Variants in ACYP2 observed in about 807,000 individuals in gnomAD.
ACYP2 encodes the protein acylphosphatase 2, also known as acylphosphatase-2.
Under a neutral mutation model 11.2 loss-of-function variants are expected in ACYP2, and 12 were observed. That is an observed-to-expected ratio of 1.08 (90% CI 0.69 to 1.74). The LOEUF (loss-of-function observed/expected upper bound fraction) is 1.74. Ranked by LOEUF, ACYP2 falls within the 40% of genes most tolerant of loss-of-function variation. The probability of loss-of-function intolerance (pLI) is 0.00; values close to 1 mark genes in which losing one functional copy is unlikely to be tolerated. For synonymous variants in ACYP2, 43 were observed against 32.2 expected, an observed-to-expected ratio of 1.33 and a Z score of -1.13; for missense variants, 134 against 101.9, an observed-to-expected ratio of 1.31 and a Z score of -1.35.
intron 6 of ACYP2, among the ~76,000 whole-genome samples, chr2:54,195,794 G>GTT (rs1168917459): frequency 4.2e-4 from 35 of 83,124 alleles, no homozygotes; most frequent in South Asian, 5.6e-4. Flanking sequence ...TTTGTTGTGG[G>GTT]TTTTTTTTTT....
At chr2:53,971,632 CAGAGATAA>C (rs749075655) in intron 1 of ACYP2, among the ~76,000 whole-genome samples, 8 of 152,144 alleles carry the variant, frequency 5.3e-5, no homozygotes, top group Non-Finnish European at 1.2e-4. Context: ...CTTAGTCTAG[CAGAGATAA>C]AGACGTGAAT....
intron 6 of ACYP2, among the ~76,000 whole-genome samples, chr2:54,227,174 A>G (rs1309031267): frequency 6.6e-6 from 1 of 152,208 alleles, no homozygotes; most frequent in African/African-American, 2.4e-5. Flanking sequence ...AAACCTGTGT[A>G]TGTTCAGAAA....
chr2:54,047,956 C>T (rs957516034), intron 2 of ACYP2, among the ~76,000 whole-genome samples: 4 of 152,124 alleles, frequency 2.6e-5, no homozygotes, highest in Non-Finnish European at 4.4e-5. Context: ...TGAGTTCTTT[C>T]CCCCAGCCAA....
intron 6 of ACYP2, among the ~76,000 whole-genome samples, chr2:54,175,996 A>G (rs1341973111): frequency 6.6e-6 from 1 of 152,158 alleles, no homozygotes; most frequent in Non-Finnish European, 1.5e-5. Flanking sequence ...CCATGTGAGG[A>G]TACATTGAAG....
chr2:54,224,465 G>A (rs547290219), intron 6 of ACYP2, among the ~76,000 whole-genome samples: 208 of 152,322 alleles, frequency 1.4e-3, no homozygotes, highest in African/African-American at 4.6e-3. Context: ...TGGGGAGTGC[G>A]TGCTGATTGG....
chr2:54,007,228 T>G (rs190613459), intron 2 of ACYP2, among the ~76,000 whole-genome samples: 28 of 139,182 alleles, frequency 2.0e-4, no homozygotes, highest in Admixed American at 1.9e-3. Flanking sequence ...TTCAGGCCCC[T>G]CCCATCATCC....
At chr2:54,093,707 G>C (rs775617483) in intron 4 of ACYP2, among the ~76,000 whole-genome samples, 1 of 152,226 alleles carries the variant, frequency 6.6e-6, no homozygotes, top group Non-Finnish European at 1.5e-5. Flanking sequence ...TCGGGAGGCC[G>C]AGGCGGGTGG....
At chr2:53,986,490 C>G (rs906692461) in intron 2 of ACYP2, among the ~76,000 whole-genome samples, 3 of 151,684 alleles carry the variant, frequency 2.0e-5, no homozygotes, top group African/African-American at 7.3e-5. Flanking sequence ...ACACACAGCA[C>G]CACACTCAGC....
chr2:54,180,726 TG>T (rs1683669761), intron 6 of ACYP2, among the ~76,000 whole-genome samples: 1 of 152,134 alleles, frequency 6.6e-6, no homozygotes, highest in Admixed American at 6.5e-5. Context: ...GGCTAATTTT[TG>T]TATTTTTTTG....
intron 6 of ACYP2, among the ~76,000 whole-genome samples, chr2:54,234,378 A>T (rs1314872740): frequency 6.6e-6 from 1 of 152,204 alleles, no homozygotes; most frequent in African/African-American, 2.4e-5. Flanking sequence ...CTTGGTAGCC[A>T]TTGCTTTGAT....
chr2:54,041,148 T>C (rs1573586602), intron 2 of ACYP2, among the ~76,000 whole-genome samples: 1 of 151,996 alleles, frequency 6.6e-6, no homozygotes, highest in Non-Finnish European at 1.5e-5. Flanking sequence ...GGTTTCACCA[T>C]GTTGCCCAGG....
At chr2:54,101,337 C>T (rs1431631049) in intron 4 of ACYP2, among the ~76,000 whole-genome samples, 2 of 152,036 alleles carry the variant, frequency 1.3e-5, no homozygotes, top group African/African-American at 4.8e-5. Flanking sequence ...TCTTTGCATT[C>T]TTGCCTATTT....
chr2:54,256,106 C>T, intron 6 of ACYP2: 1 of 1,614,114 alleles, frequency 6.2e-7, no homozygotes, highest in African/African-American at 1.3e-5. Flanking sequence ...TCTTCCAGAG[C>T]ATAGTCGAGA....
chr2:54,015,512 T>C (rs1179110874), intron 2 of ACYP2, among the ~76,000 whole-genome samples: 5 of 151,434 alleles, frequency 3.3e-5, no homozygotes, highest in African/African-American at 1.2e-4. Context: ...CAGCCAGGTA[T>C]GGTGGTGTGT....
intron 1 of ACYP2, among the ~76,000 whole-genome samples, chr2:53,972,547 C>T (rs1026033821): frequency 4.6e-5 from 7 of 151,898 alleles, no homozygotes; most frequent in Admixed American, 4.6e-4. Flanking sequence ...ATGGAGCTTG[C>T]AGTGAGCCGA....
chr2:54,006,895 C>A (rs538662781), intron 2 of ACYP2, among the ~76,000 whole-genome samples: 2 of 151,890 alleles, frequency 1.3e-5, no homozygotes, highest in South Asian at 4.2e-4. Context: ...GAGACCGAGG[C>A]GGATGGATCA....
At chr2:54,140,547 CA>C (rs1681548816) in intron 6 of ACYP2, among the ~76,000 whole-genome samples, 1 of 150,704 alleles carries the variant, frequency 6.6e-6, no homozygotes, top group African/African-American at 2.4e-5. Flanking sequence ...CACACACACA[CA>C]CTTGCACACA....
intron 4 of ACYP2, chr2:54,082,773 G>A (rs1303629778): frequency 6.6e-6 from 1 of 152,066 alleles, no homozygotes; most frequent in Non-Finnish European, 1.5e-5. Context: ...AAGTTCCTAG[G>A]TAGGACTGAG....
chr2:54,230,829 CTTTTTTT>C (rs34359444), intron 6 of ACYP2, among the ~76,000 whole-genome samples: 4 of 129,398 alleles, frequency 3.1e-5, no homozygotes, highest in East Asian at 2.2e-4. Context: ...TCTTTCTTTT[CTTTTTTT>C]TTTTTTTTTT....
Sources: allele counts gnomAD v4.1 joint callset (sites outside exome capture counted in the v4.1 genomes callset), GRCh38; gene constraint gnomAD v4.1.1; transcripts MANE v1.5; gene names NCBI Gene and HGNC (gene_info 2026-07-23, HGNC 2026-07-21).